CTBP1: variants seen among roughly 807,000 people sequenced by gnomAD.
The protein encoded by CTBP1 is C-terminal binding protein 1, also known as C-terminal-binding protein 1.
CTBP1 carries 11 observed loss-of-function variants against 42.1 expected under a neutral mutation model. The ratio of observed to expected loss-of-function variants is 0.26; its 90% CI spans 0.16 to 0.43. The LOEUF is 0.43. CTBP1 is among the 20% of genes least tolerant of loss of function. The pLI, the probability that CTBP1 is intolerant of heterozygous loss-of-function variation, is 1.00. For missense variants in CTBP1, 399 were observed against 624.3 expected (o/e 0.64, Z 3.85); for synonymous variants, 324 against 277.1 (o/e 1.17, Z -1.68).
In CTBP1 at chr4:1,216,033, G is replaced by A. The variant is rs369657048; in HGVS notation, c.687C>T (p.Asn229=). The part of the protein sequence containing the change: ...SDCVTLHCGL[N]EHNHHLINDF... ...CGTTGATGAGGTGGTGGTTGTGCTCGTTGAGGCCGCAGTGCAGGGTCACGC... is the reference window on the plus strand; with the variant it reads ...CGTTGATGAGGTGGTGGTTGTGCTCATTGAGGCCGCAGTGCAGGGTCACGC... The change falls in exon 6 of 10, where the codon AAC becomes AAT. Residue 229 remains asparagine, a synonymous_variant. Coordinates refer to ENST00000382952, the MANE Select transcript of CTBP1 (RefSeq NM_001012614.2). The A allele has an allele frequency of 1.7e-5, 28 of 1,611,486 alleles. No homozygotes were observed. The highest frequency in any genetic ancestry group is 1.6e-4 in the African/African-American group (12 of 74,876).
intron 3 of CTBP1, chr4:1,237,218 C>T (rs1188750914): frequency 3.0e-6 from 2 of 674,046 alleles, no homozygotes; most frequent in East Asian, 2.7e-5. Context: ...ACAGGGCAAA[C>T]CGAGTGTCCA....
intron 3 of CTBP1, among the ~76,000 whole-genome samples, chr4:1,232,022 C>G (rs1445470205): frequency 6.6e-6 from 1 of 152,234 alleles, no homozygotes; most frequent in African/African-American, 2.4e-5. Context: ...TTTTCTGTTT[C>G]TACTGATTGG....
intron 1 of CTBP1, among the ~76,000 whole-genome samples, chr4:1,247,565 C>T (rs752809785): frequency 9.9e-5 from 15 of 152,172 alleles, no homozygotes; most frequent in Non-Finnish European, 1.2e-4. Context: ...CTGTCATCCT[C>T]AGCTGCAACG....
At chr4:1,222,895 G>A (rs1267573990) in intron 5 of CTBP1, among the ~76,000 whole-genome samples, 2 of 151,922 alleles carry the variant, frequency 1.3e-5, no homozygotes, top group South Asian at 2.1e-4. Context: ...CTCTTACCAG[G>A]GGAACTACAG....
intron 5 of CTBP1, 149 bp downstream of exon 5, chr4:1,225,211 G>T: frequency 1.1e-6 from 1 of 907,200 alleles, no homozygotes; most frequent in South Asian, 1.7e-5. Flanking sequence ...CCGGGCCCTG[G>T]TGCCTGTGCG....
chr4:1,213,250 C>T (rs752900317), intron 8 of CTBP1, among the ~76,000 whole-genome samples: 1 of 152,042 alleles, frequency 6.6e-6, no homozygotes, highest in Non-Finnish European at 1.5e-5. Flanking sequence ...TGCTGAGGGA[C>T]CTGTCTGCTC....
At chr4:1,215,024 C>A (rs375502652) in intron 6 of CTBP1, among the ~76,000 whole-genome samples, 17 of 152,188 alleles carry the variant, frequency 1.1e-4, no homozygotes, top group African/African-American at 3.1e-4. Flanking sequence ...TTCCTGCAGC[C>A]CCCCCATTTC....
rs77229204 is a variant in CTBP1, at chr4:1,223,826, C to A, written c.514+1534G>T. 4.4e-3 allele frequency among the ~76,000 whole-genome samples: 671 copies of A among 152,346 alleles called. 3 individuals are homozygous for A. The highest frequency in any genetic ancestry group is 5.1e-3 in the Non-Finnish European group (345 of 68,024). ...AGGATCTCACACACGCACACACACA[C>A]GTGCACAAACATGCACACGCTTGCC... On this transcript the variant is annotated intron_variant, in intron 5 of 9. Coordinates refer to ENST00000382952, the MANE Select transcript of CTBP1 (RefSeq NM_001012614.2).
intron 8 of CTBP1, 59 bp from the exon 9 acceptor site, chr4:1,213,089 C>G (rs978827541): frequency 7.0e-7 from 1 of 1,437,722 alleles, no homozygotes; most frequent in African/African-American, 1.4e-5. Flanking sequence ...GGAGCGTGGC[C>G]CACTGGGTTG....
intron 1 of CTBP1, chr4:1,244,705 G>A: frequency 1.0e-6 from 1 of 985,248 alleles, no homozygotes. Flanking sequence ...CCCTCACCCT[G>A]CCCTGTCCCC....
Position 1,225,522 on chromosome 4 carries a change from C to A in CTBP1, c.352G>T (p.Ala118Ser). ...AGGATGTGGCACAGCGTCGAGTCGG[C>A]CGTCTCCTCCACAGACGCCGCGGGC... is the stretch of plus-strand genomic sequence containing the variant. ...NVPAASVEET[A>S]DSTLCHILNL... The change falls in exon 5 of 10, where the codon GCC (alanine) becomes TCC (serine). Residue 118 changes from alanine to serine, a missense_variant. Ala to Ser is a moderately conservative substitution (Grantham distance 99). Coordinates refer to ENST00000382952, the MANE Select transcript of CTBP1 (RefSeq NM_001012614.2). 1.3e-6 allele frequency: 2 copies of A among 1,544,474 alleles called. No homozygotes were observed. Among genetic ancestry groups the A allele is most frequent in the Non-Finnish European group, 8.7e-7 (1 of 1,146,704 alleles).
intron 3 of CTBP1, 83 bp from the exon 4 acceptor site, chr4:1,228,426 G>C: frequency 6.6e-7 from 1 of 1,518,548 alleles, no homozygotes; most frequent in Non-Finnish European, 8.9e-7. Flanking sequence ...GCCCCGGCTG[G>C]GAAATTAGCC....
chr4:1,213,681 G>T, intron 7 of CTBP1, 76 bp from the exon 8 acceptor site: 3 of 1,543,236 alleles, frequency 1.9e-6, no homozygotes, highest in Non-Finnish European at 2.6e-6. Flanking sequence ...CTGGGCACTG[G>T]AACCCCCTGT....
chr4:1,243,606 C>T (rs1732414877), intron 1 of CTBP1: 1 of 985,442 alleles, frequency 1.0e-6, no homozygotes, highest in Non-Finnish European at 1.2e-6. Context: ...GCCACACCTG[C>T]CCCACTGAGA....
At chr4:1,245,742 G>T in intron 1 of CTBP1, 1 of 944,862 alleles carries the variant, frequency 1.1e-6, no homozygotes, top group Non-Finnish European at 1.3e-6. Context: ...GCACGTGTGG[G>T]TAGGGTAGCA....
intron 1 of CTBP1, 34 bp from the exon 2 acceptor site, chr4:1,241,553 C>T (rs1732176692): frequency 1.3e-6 from 2 of 1,550,242 alleles, no homozygotes; most frequent in African/African-American, 1.4e-5. Flanking sequence ...CATTAAAATG[C>T]CATCGAAGGT....
chr4:1,232,614 G>A (rs950595067), intron 3 of CTBP1, among the ~76,000 whole-genome samples: 5 of 152,178 alleles, frequency 3.3e-5, no homozygotes, highest in African/African-American at 1.2e-4. Flanking sequence ...ACCCCACCTT[G>A]CAATGCTGTT....
At chr4:1,242,786 G>A (rs1015366200) in intron 1 of CTBP1, 9 of 985,346 alleles carry the variant, frequency 9.1e-6, no homozygotes, top group Middle Eastern at 5.2e-4. Flanking sequence ...CATGGTACCC[G>A]GATACCACAT....
chr4:1,240,720 C>A (rs1210053433), intron 2 of CTBP1, among the ~76,000 whole-genome samples: 1 of 152,146 alleles, frequency 6.6e-6, no homozygotes, highest in Admixed American at 6.5e-5. Context: ...CAGGCTCAGG[C>A]ACCCAAGGTG....
Sources: allele counts gnomAD v4.1 joint callset (sites outside exome capture counted in the v4.1 genomes callset), GRCh38; gene constraint gnomAD v4.1.1; transcripts MANE v1.5; gene names NCBI Gene and HGNC (gene_info 2026-07-23, HGNC 2026-07-21).